Variants in TNPO3 observed in about 807,000 individuals in gnomAD.
TNPO3 encodes transportin 3.
In TNPO3, 65 loss-of-function variants were observed where a neutral mutation model predicts 122.8. That is an observed-to-expected ratio of 0.53 (90% CI 0.43 to 0.65). The LOEUF is 0.65. Ranked by LOEUF, TNPO3 falls within the 30% of genes least tolerant of loss-of-function variation. TNPO3 has a pLI of 0.00. For synonymous variants in TNPO3, 372 were observed against 411.2 expected (o/e 0.90, Z 1.15); for missense variants, 850 against 1,136.7 (o/e 0.75, Z 3.63).
chr7:129,027,699 AG>A lies in TNPO3; in HGVS notation c.121-9543del, dbSNP rs1172918918. ...GAAAGAAGGGAATGGAAGAGCAGAG[AG>A]TTCAGTTCACTCTTTGGCTCCACTT... On this transcript the variant is annotated intron_variant, in intron 1 of 22. Transcript: ENST00000265388. 2.0e-5 allele frequency among the ~76,000 whole-genome samples: 3 copies of A among 151,802 alleles called. No homozygotes were observed. The East Asian group carries it at 5.8e-4, about 29-fold the overall frequency.
rs1801460828 is a variant in TNPO3, at chr7:128,997,533, T to C, written c.1014A>G (p.Val338=). Residue 338 remains valine, a splice_region_variant and synonymous_variant, in exon 8 of 23, where the codon GTA becomes GTG. Coordinates refer to ENST00000265388, the MANE Select transcript of TNPO3 (RefSeq NM_012470.4). ...ACCAAAAGTTAAATGAAATTTCTAC[T>C]ACCTGTTAGGTTAAAAGAGATGATT... ...LICAGHPQYE[V]VEISFNFWYR... 1.2e-6 allele frequency: 2 copies of C among 1,612,784 alleles called. No individual in the cohort carries two copies. Among genetic ancestry groups the C allele is most frequent in the East Asian group, 2.2e-5 (1 of 44,880 alleles).
In TNPO3 at chr7:129,025,501, T is replaced by C. The variant is rs374015157; in HGVS notation, c.121-7344A>G. ...ACTATAAAAGGACAGTGGTTACCTT[T>C]AGAGGGAGGGAAGCGGTTATGTCAA... On this transcript the variant is annotated intron_variant, in intron 1 of 22. Transcript: ENST00000265388. Among the ~76,000 whole-genome samples, 20 of 151,820 alleles carry C rather than the reference T, an allele frequency of 1.3e-4. No homozygotes were observed. In the East Asian group the frequency reaches 2.1e-3, roughly 16 times the overall value.
chr7:129,055,830 C>G (rs546726927), upstream of TNPO3: 3 of 537,596 alleles, frequency 5.6e-6, no homozygotes, highest in Admixed American at 6.6e-5. Context: ...CAAAAGGTAA[C>G]AGTATATTGA....
At position 128,960,514 on chromosome 7, in the gene TNPO3, T is replaced by C. The variant is rs149489850; in HGVS notation, c.2712-3199A>G. Among the ~76,000 whole-genome samples, 29 of 151,712 alleles carry C rather than the reference T, an allele frequency of 1.9e-4. No individual in the cohort carries two copies. In the East Asian group the frequency reaches 4.7e-3, roughly 24 times the overall value. ...AGTGATATTGATGATCTTGACCCTG[T>C]GTAGGTCTAGGCTAATATGTGTTTG... On this transcript the variant is annotated intron_variant, in intron 21 of 22. Coordinates refer to ENST00000265388, the MANE Select transcript of TNPO3 (RefSeq NM_012470.4).
At chr7:128,975,344 G>C (rs995840877) in intron 17 of TNPO3, among the ~76,000 whole-genome samples, 3 of 152,148 alleles carry the variant, frequency 2.0e-5, no homozygotes, top group Admixed American at 1.3e-4. Flanking sequence ...AAGACATCTT[G>C]GGAAAAGAAA....
In TNPO3 at chr7:128,975,915, T is replaced by C. The variant is rs888360581; in HGVS notation, c.2082A>G (p.Val694=). 37 of 1,613,356 alleles carry C rather than the reference T, an allele frequency of 2.3e-5. No individual in the cohort carries two copies. Among genetic ancestry groups the C allele is most frequent in the Non-Finnish European group, 3.0e-5 (35 of 1,179,372 alleles). The stretch of plus-strand genomic sequence containing the variant: ...GGTACAGGAAGCAGGAATGCTGATG[T>C]ACGTGGTACACATTCACCATCTGTT... ...LVTQMVNVYH[V]HQHSCFLYLG... The change falls in exon 17 of 23, where the codon GTA becomes GTG. Residue 694 remains valine (V), a synonymous_variant. Coordinates refer to ENST00000265388, the MANE Select transcript of TNPO3 (RefSeq NM_012470.4).
chr7:129,050,874 A>C (rs982282296), intron 1 of TNPO3, among the ~76,000 whole-genome samples: 1 of 152,234 alleles, frequency 6.6e-6, no homozygotes, highest in Non-Finnish European at 1.5e-5. Flanking sequence ...GAGTAACCCA[A>C]GAAAACATCA....
chr7:128,991,055 A>G (rs1041396642), intron 10 of TNPO3, among the ~76,000 whole-genome samples: 1 of 152,214 alleles, frequency 6.6e-6, no homozygotes, highest in Non-Finnish European at 1.5e-5. Flanking sequence ...CTATCTAGCC[A>G]TCATTTTTCA....
At chr7:129,025,882 TTGGGAGACCAAGAC>T (rs773466056) in intron 1 of TNPO3, among the ~76,000 whole-genome samples, 7 of 152,120 alleles carry the variant, frequency 4.6e-5, no homozygotes, top group Non-Finnish European at 1.0e-4. Flanking sequence ...TCCCAGCACT[TTGGGAGACCAAGAC>T]TGGTGGGTCA....
chr7:128,967,493 A>G, intron 20 of TNPO3, 101 bp from the exon 21 acceptor site: 1 of 716,638 alleles, frequency 1.4e-6, no homozygotes, highest in Non-Finnish European at 2.4e-6. Flanking sequence ...CCTTAGTAGC[A>G]TTTACTTCCC....
At chr7:128,988,738 T>C (rs1228936500) in intron 11 of TNPO3, among the ~76,000 whole-genome samples, 2 of 152,148 alleles carry the variant, frequency 1.3e-5, no homozygotes, top group Non-Finnish European at 2.9e-5. Context: ...CCAGATAAAG[T>C]GCAGAAATCT....
intron 1 of TNPO3, among the ~76,000 whole-genome samples, chr7:129,050,586 G>A (rs1200948609): frequency 6.6e-6 from 1 of 152,172 alleles, no homozygotes; most frequent in Non-Finnish European, 1.5e-5. Flanking sequence ...TGGAAAGATT[G>A]AAGTAGGTGG....
At chr7:129,005,588 G>A (rs1186421318) in intron 4 of TNPO3, among the ~76,000 whole-genome samples, 19 of 151,890 alleles carry the variant, frequency 1.3e-4, no homozygotes, top group Admixed American at 1.2e-3. Flanking sequence ...TTCAAAGTGT[G>A]TAGCACCACC....
chr7:128,967,841 C>G (rs1798075257), intron 20 of TNPO3, among the ~76,000 whole-genome samples: 1 of 152,112 alleles, frequency 6.6e-6, no homozygotes, highest in Non-Finnish European at 1.5e-5. Flanking sequence ...CTTTGACCTT[C>G]CAGCCTCAAG....
rs1339666918 is a variant in TNPO3, at chr7:128,972,523, T to C, written c.2333A>G (p.Gln778Arg). The C allele has an allele frequency of 6.5e-5, 105 of 1,614,060 alleles. No individual in the cohort carries two copies. Among genetic ancestry groups the C allele is most frequent in the Non-Finnish European group, 8.4e-5 (99 of 1,180,026 alleles). The change falls in exon 19 of 23, where the codon CAG becomes CGG. Residue 778 changes from glutamine (Q) to arginine (R), a missense_variant. Physicochemically the swap from Gln to Arg is conservative, Grantham distance 43. Transcript: ENST00000265388. Reference protein sequence around the residue: ...LRSQVVIPILQWAIASTTLDH... With the variant: ...LRSQVVIPILRWAIASTTLDH... ...CAGGGTAGTAGAGGCAATGGCCCAC[T>C]GTAAGATAGGGATGACCACTTGGCT...
chr7:129,019,819 C>T (rs1804259340), intron 1 of TNPO3, among the ~76,000 whole-genome samples: 1 of 151,948 alleles, frequency 6.6e-6, no homozygotes, highest in South Asian at 2.1e-4. Flanking sequence ...CATGGTGAAA[C>T]CCGGTCTGTA....
At chr7:128,972,260 C>T (rs1798566149) in intron 19 of TNPO3, among the ~76,000 whole-genome samples, 166 bp downstream of exon 19, 1 of 152,214 alleles carries the variant, frequency 6.6e-6, no homozygotes, top group Non-Finnish European at 1.5e-5. Flanking sequence ...GCACCCAGCA[C>T]AAGTGTCTTA....
intron 21 of TNPO3, among the ~76,000 whole-genome samples, chr7:128,960,288 T>C (rs111731993): frequency 0.07 from 10,664 of 152,216 alleles, 834 homozygotes; most frequent in African/African-American, 0.19. Flanking sequence ...ATGTATTTAC[T>C]ATACTACACT....
Position 128,972,473 on chromosome 7 carries a change from C to T in TNPO3, c.2383G>A (p.Val795Ile). ...ATGAGGTCTCGTAGAAACCTCATGA[C>T]ACTACAATTGGCATCCCGGTGGTCC... ...TLDHRDANCS[V>I]MRFLRDLIHT... Residue 795 changes from valine (V) to isoleucine (I), a missense_variant, in exon 19 of 23, where the codon GTC (valine) becomes ATC (isoleucine). Val to Ile is a conservative substitution (Grantham distance 29, BLOSUM62 3). Coordinates refer to ENST00000265388, the MANE Select transcript of TNPO3 (RefSeq NM_012470.4). 6.8e-6 allele frequency: 11 copies of T among 1,614,142 alleles called. No individual in the cohort carries two copies. Among genetic ancestry groups the T allele is most frequent in the Non-Finnish European group, 9.3e-6 (11 of 1,180,012 alleles).
Sources: gnomAD v4.1 joint callset for allele counts (sites outside exome capture counted in the v4.1 genomes callset) on GRCh38, gnomAD v4.1.1 for gene constraint, MANE v1.5 for transcripts, NCBI Gene and HGNC (gene_info 2026-07-23, HGNC 2026-07-21) for gene names.